Variants in DLG2 observed in about 807,000 individuals in gnomAD.
The protein encoded by DLG2 is discs large MAGUK scaffold protein 2, also known as disks large homolog 2.
In DLG2, 45 loss-of-function variants were observed where a neutral mutation model predicts 132.5. The ratio of observed to expected loss-of-function variants is 0.34; its 90% confidence interval spans 0.27 to 0.44. The LOEUF is 0.44. Among genes scored for constraint, DLG2 ranks in the 20% least tolerant of loss-of-function variants. The pLI, the probability that DLG2 is intolerant of heterozygous loss-of-function variation, is 1.00. For synonymous variants in DLG2, 424 were observed against 419.6 expected (o/e 1.01, Z -0.13); for missense variants, 1,045 against 1,196.9 (o/e 0.87, Z 1.87).
chr11:83,863,985 A>C lies in DLG2; in HGVS notation c.1565+10435T>G, dbSNP rs1237815532. On this transcript the variant is annotated intron_variant, in intron 16 of 27. Coordinates refer to ENST00000376104, the MANE Select transcript of DLG2 (RefSeq NM_001142699.3). The stretch of plus-strand genomic sequence containing the variant: ...CATCAATGTTCATAATTAATGCTTG[A>C]CCACAGGAGAATTCTCCTTTGCAAA... 3.3e-5 allele frequency among the ~76,000 whole-genome samples: 5 copies of C among 152,288 alleles called. No homozygotes were observed. The East Asian group carries it at 9.7e-4, about 29-fold the overall frequency.
chr11:84,652,058 G>A (rs2099682686), intron 6 of DLG2, among the ~76,000 whole-genome samples: 1 of 152,158 alleles, frequency 6.6e-6, no homozygotes, highest in Non-Finnish European at 1.5e-5. Context: ...GGCTTGTCTG[G>A]AAGAATGATA....
chr11:85,439,668 A>G (rs771769243), intron 3 of DLG2, among the ~76,000 whole-genome samples: 4 of 152,114 alleles, frequency 2.6e-5, no homozygotes, highest in African/African-American at 4.8e-5. Context: ...CTGTTTCCTC[A>G]GCTTTTAATC....
At chr11:85,120,028 A>G (rs1013585128) in intron 5 of DLG2, among the ~76,000 whole-genome samples, 1 of 152,094 alleles carries the variant, frequency 6.6e-6, no homozygotes, top group Admixed American at 6.6e-5. Flanking sequence ...TGAATTTCAA[A>G]AAATGCATAT....
chr11:83,684,863 T>C (rs1011851317), intron 18 of DLG2, among the ~76,000 whole-genome samples: 1 of 152,170 alleles, frequency 6.6e-6, no homozygotes, highest in African/African-American at 2.4e-5. Context: ...AACTCTTATA[T>C]TGTAGCATTT....
chr11:84,309,819 A>G (rs764385778), intron 7 of DLG2, among the ~76,000 whole-genome samples: 3 of 152,256 alleles, frequency 2.0e-5, no homozygotes, highest in Non-Finnish European at 4.4e-5. Context: ...ATGCTCTTGT[A>G]CTAAAGACAG....
At chr11:85,069,745 C>T (rs1490355138) in intron 6 of DLG2, among the ~76,000 whole-genome samples, 2 of 152,060 alleles carry the variant, frequency 1.3e-5, no homozygotes, top group Non-Finnish European at 2.9e-5. Context: ...GTCAGTGTGG[C>T]GATTCCTCAG....
At chr11:85,485,018 A>T (rs1480491919) in intron 3 of DLG2, among the ~76,000 whole-genome samples, 1 of 152,256 alleles carries the variant, frequency 6.6e-6, no homozygotes. Context: ...AATACTATGC[A>T]GCCATAAAAA....
chr11:84,437,241 C>A (rs182101793), intron 7 of DLG2: 1 of 152,190 alleles, frequency 6.6e-6, no homozygotes, highest in Non-Finnish European at 1.5e-5. Flanking sequence ...AGTGTTACCC[C>A]TTTTCATAGT....
chr11:85,292,028 T>C (rs1328243450), intron 3 of DLG2, among the ~76,000 whole-genome samples: 1 of 152,190 alleles, frequency 6.6e-6, no homozygotes, highest in Non-Finnish European at 1.5e-5. Context: ...GTGATCTTAC[T>C]ATATGTAATG....
At chr11:84,555,260 A>C (rs2099409669) in intron 6 of DLG2, among the ~76,000 whole-genome samples, 1 of 152,016 alleles carries the variant, frequency 6.6e-6, no homozygotes, top group African/African-American at 2.4e-5. Context: ...ATGAAAATAG[A>C]ACTACAATAT....
At chr11:83,855,144 A>G (rs2060331722) in intron 16 of DLG2, among the ~76,000 whole-genome samples, 1 of 152,220 alleles carries the variant, frequency 6.6e-6, no homozygotes, top group Admixed American at 6.5e-5. Flanking sequence ...GCCCATTGAA[A>G]TGGTCGAAAT....
intron 21 of DLG2, among the ~76,000 whole-genome samples, chr11:83,491,576 T>C (rs2093846501): frequency 6.6e-6 from 1 of 151,972 alleles, no homozygotes; most frequent in African/African-American, 2.4e-5. Context: ...TCAATTCCAG[T>C]AAAAAGCTCA....
chr11:85,489,551 C>T (rs2093510273), intron 3 of DLG2, among the ~76,000 whole-genome samples: 1 of 152,070 alleles, frequency 6.6e-6, no homozygotes, highest in Non-Finnish European at 1.5e-5. Flanking sequence ...GGACTTTACA[C>T]AAAAGGGACC....
chr11:84,686,323 C>T (rs901508882), intron 6 of DLG2, among the ~76,000 whole-genome samples: 2 of 152,148 alleles, frequency 1.3e-5, no homozygotes, highest in African/African-American at 4.8e-5. Context: ...TTTTTTAATA[C>T]GCAACTTCCT....
intron 6 of DLG2, among the ~76,000 whole-genome samples, chr11:84,600,065 T>C (rs1164482113): frequency 7.4e-6 from 1 of 135,584 alleles, no homozygotes; most frequent in South Asian, 2.4e-4. Flanking sequence ...CATTCCAGCC[T>C]GGGCCACAGA....
chr11:84,902,751 C>T (rs2091044257), intron 6 of DLG2, among the ~76,000 whole-genome samples: 1 of 152,146 alleles, frequency 6.6e-6, no homozygotes, highest in African/African-American at 2.4e-5. Flanking sequence ...CCATAGTACT[C>T]AACACGTGCA....
At chr11:85,289,892 T>C (rs1266602722) in intron 3 of DLG2, among the ~76,000 whole-genome samples, 1 of 152,192 alleles carries the variant, frequency 6.6e-6, no homozygotes, top group African/African-American at 2.4e-5. Flanking sequence ...TCTACTCAAA[T>C]AGTTATTTCT....
intron 7 of DLG2, among the ~76,000 whole-genome samples, chr11:84,413,236 T>C (rs1176163933): frequency 6.6e-6 from 1 of 152,172 alleles, no homozygotes; most frequent in Non-Finnish European, 1.5e-5. Context: ...CTTATCTATA[T>C]GTCTCATGAT....
At chr11:83,719,585 TG>T (rs1449371093) in intron 18 of DLG2, among the ~76,000 whole-genome samples, 2 of 152,096 alleles carry the variant, frequency 1.3e-5, no homozygotes, top group African/African-American at 4.8e-5. Context: ...AGAGGCAAGG[TG>T]GAAGTAGGTT....
Sources: allele counts gnomAD v4.1 joint callset (sites outside exome capture counted in the v4.1 genomes callset), GRCh38; gene constraint gnomAD v4.1.1; transcripts MANE v1.5; gene names NCBI Gene and HGNC (gene_info 2026-07-23, HGNC 2026-07-21).